ATRNL1: variants seen among roughly 807,000 people sequenced by gnomAD.
The protein encoded by ATRNL1 is attractin-like protein 1.
In ATRNL1, 95 loss-of-function variants were observed where a neutral mutation model predicts 182.7. The ratio of observed to expected loss-of-function variants is 0.52; its 90% CI spans 0.44 to 0.62. The LOEUF is 0.62. ATRNL1 is among the 20% of genes least tolerant of loss of function. The pLI is 0.00. For synonymous variants in ATRNL1, 576 were observed against 568.3 expected, an observed-to-expected ratio of 1.01 and a Z score of -0.19; for missense variants, 1,471 against 1,679.5, an observed-to-expected ratio of 0.88 and a Z score of 2.17.
At chr10:115,323,279 T>C (rs1275747249) in intron 18 of ATRNL1, among the ~76,000 whole-genome samples, 5 of 152,168 alleles carry the variant, frequency 3.3e-5, no homozygotes, top group African/African-American at 1.2e-4. Context: ...TGAATTCTTC[T>C]AGTGTATGTT....
At chr10:115,213,719 C>T (rs1849117098) in intron 8 of ATRNL1, among the ~76,000 whole-genome samples, 1 of 151,912 alleles carries the variant, frequency 6.6e-6, no homozygotes, top group Admixed American at 6.6e-5. Flanking sequence ...CTTTGAATTT[C>T]CTAATTTGTA....
intron 15 of ATRNL1, among the ~76,000 whole-genome samples, chr10:115,287,929 T>G (rs1371396896): frequency 6.7e-6 from 1 of 148,858 alleles, no homozygotes; most frequent in Non-Finnish European, 1.5e-5. Flanking sequence ...CAACTGTTTT[T>G]TTTTTTTTTT....
At chr10:115,378,615 G>A (rs75876128) in intron 19 of ATRNL1, among the ~76,000 whole-genome samples, 1,630 of 152,224 alleles carry the variant, frequency 0.011, 13 homozygotes, top group South Asian at 0.033. Flanking sequence ...TTGTTTCTAG[G>A]CCACAGCAGA....
At chr10:115,587,850 A>G (rs1291832688) in intron 26 of ATRNL1, among the ~76,000 whole-genome samples, 1 of 105,196 alleles carries the variant, frequency 9.5e-6, no homozygotes, top group Non-Finnish European at 2.1e-5. Context: ...AACTATTAAA[A>G]TAACAAAGTT....
chr10:115,623,173 C>G (rs992378241), intron 26 of ATRNL1, among the ~76,000 whole-genome samples: 1 of 151,828 alleles, frequency 6.6e-6, no homozygotes, highest in African/African-American at 2.4e-5. Flanking sequence ...ATATGGAACC[C>G]TGATCAAAAA....
intron 26 of ATRNL1, among the ~76,000 whole-genome samples, chr10:115,616,614 G>T (rs1311444719): frequency 3.3e-5 from 5 of 152,144 alleles, no homozygotes; most frequent in Admixed American, 2.6e-4. Flanking sequence ...CATGGGTGAG[G>T]CCCATGCTTA....
chr10:115,909,543 G>C (rs781953364), intron 28 of ATRNL1: 2 of 150,072 alleles, frequency 1.3e-5, no homozygotes, highest in Non-Finnish European at 2.9e-5. Flanking sequence ...TGCTTGCCAG[G>C]CGCCAGACAT....
chr10:115,800,280 G>T (rs1949762405), intron 27 of ATRNL1, among the ~76,000 whole-genome samples: 1 of 151,806 alleles, frequency 6.6e-6, no homozygotes, highest in Non-Finnish European at 1.5e-5. Flanking sequence ...TTGCCCAAGA[G>T]CTGTGCCTTG....
At chr10:115,204,965 T>C (rs1554893450) in intron 8 of ATRNL1, among the ~76,000 whole-genome samples, 2 of 152,096 alleles carry the variant, frequency 1.3e-5, no homozygotes, top group African/African-American at 2.4e-5. Context: ...GTTTCAATCT[T>C]ATAGTTGTAA....
chr10:115,895,011 G>A (rs1555112161), intron 28 of ATRNL1, among the ~76,000 whole-genome samples: 1 of 152,144 alleles, frequency 6.6e-6, no homozygotes, highest in Non-Finnish European at 1.5e-5. Context: ...AAATTGCCGT[G>A]TGCATGAGAT....
At chr10:115,677,364 G>A (rs1555043370) in intron 26 of ATRNL1, among the ~76,000 whole-genome samples, 1 of 152,056 alleles carries the variant, frequency 6.6e-6, no homozygotes, top group African/African-American at 2.4e-5. Context: ...CTGCATGAGA[G>A]CCACCATTCA....
chr10:115,562,533 A>T (rs1477410276), intron 26 of ATRNL1, among the ~76,000 whole-genome samples: 1 of 152,188 alleles, frequency 6.6e-6, no homozygotes, highest in Non-Finnish European at 1.5e-5. Context: ...CCCAAATTTC[A>T]TCTTGAATTG....
At chr10:115,283,311 G>A (rs1448166695) in intron 14 of ATRNL1, among the ~76,000 whole-genome samples, 1 of 152,046 alleles carries the variant, frequency 6.6e-6, no homozygotes, top group Non-Finnish European at 1.5e-5. Flanking sequence ...CTACTCGGGA[G>A]GCTGAGGCAG....
chr10:115,838,814 C>T (rs878711), intron 27 of ATRNL1, among the ~76,000 whole-genome samples: 1,540 of 152,038 alleles, frequency 0.01, 33 homozygotes, highest in African/African-American at 0.035. Flanking sequence ...TACCCTAAAA[C>T]GGCAAAGTTT....
At chr10:115,793,559 AC>A (rs5788113) in intron 27 of ATRNL1, among the ~76,000 whole-genome samples, 152,240 of 152,240 alleles carry the variant, frequency 1, 76,120 homozygotes, top group Non-Finnish European at 1. Context: ...TTTAATAATA[AC>A]GATGCTTGAG....
At position 115,284,049 on chromosome 10, in the gene ATRNL1, C is replaced by T. The variant is rs550635305; in HGVS notation, c.2234-2167C>T. Among the ~76,000 whole-genome samples, 5 of 152,256 alleles carry T rather than the reference C, an allele frequency of 3.3e-5. No individual in the cohort carries two copies. The East Asian group carries it at 9.7e-4, about 29-fold the overall frequency. On this transcript the variant is annotated intron_variant, in intron 14 of 28. Transcript: ENST00000355044. ...GGGCCCAGTCTGTAGAGCAGTTGTACAATTCCATGACAATTGGTGTATTGC... is the reference window on the plus strand; with the variant it reads ...GGGCCCAGTCTGTAGAGCAGTTGTATAATTCCATGACAATTGGTGTATTGC...
intron 19 of ATRNL1, among the ~76,000 whole-genome samples, chr10:115,372,522 G>A (rs541296367): frequency 3.8e-4 from 58 of 152,196 alleles, no homozygotes; most frequent in African/African-American, 9.6e-4. Context: ...CCTTTAAGTC[G>A]TTAATCCATT....
intron 27 of ATRNL1, among the ~76,000 whole-genome samples, chr10:115,831,631 C>T (rs1033615161): frequency 3.9e-5 from 6 of 152,080 alleles, no homozygotes; most frequent in Non-Finnish European, 8.8e-5. Context: ...CTTCTTGCAC[C>T]GGCTAACATG....
intron 27 of ATRNL1, among the ~76,000 whole-genome samples, chr10:115,793,527 C>A (rs201278895): frequency 0.071 from 1 of 14 alleles, no homozygotes; most frequent in Non-Finnish European, 0.12. Flanking sequence ...TAACTTTGAA[C>A]GAAGCTGAAA....
Sources: allele counts gnomAD v4.1 joint callset (sites outside exome capture counted in the v4.1 genomes callset), GRCh38; gene constraint gnomAD v4.1.1; transcripts MANE v1.5; gene names NCBI Gene and HGNC (gene_info 2026-07-23, HGNC 2026-07-21).